The following XPR1 variants were observed in gnomAD, a reference collection of about 807,000 sequenced individuals.
XPR1 encodes the protein xenotropic and polytropic retrovirus receptor 1, also known as solute carrier family 53 member 1.
XPR1 carries 28 observed loss-of-function variants against 87.5 expected under a neutral mutation model. That is an observed-to-expected ratio of 0.32 (90% CI 0.24 to 0.44). XPR1 has a LOEUF of 0.44. XPR1 is among the 20% of genes least tolerant of loss of function. The pLI is 1.00. For missense variants in XPR1, 559 were observed against 862.3 expected, an observed-to-expected ratio of 0.65 and a Z score of 4.41; for synonymous variants, 300 against 306.1, an observed-to-expected ratio of 0.98 and a Z score of 0.21.
At chr1:180,765,920 A>T (rs996567317) in intron 2 of XPR1, among the ~76,000 whole-genome samples, 2 of 152,040 alleles carry the variant, frequency 1.3e-5, no homozygotes, top group African/African-American at 4.8e-5. Flanking sequence ...TGGTGCTAAC[A>T]TATTTTTCAA....
chr1:180,722,800 A>G (rs772155271), intron 2 of XPR1, among the ~76,000 whole-genome samples: 1 of 152,230 alleles, frequency 6.6e-6, no homozygotes, highest in Non-Finnish European at 1.5e-5. Flanking sequence ...GAAGAGCATG[A>G]TTATTTATAG....
chr1:180,774,375 C>G (rs568329742), intron 2 of XPR1, among the ~76,000 whole-genome samples: 2,935 of 134,004 alleles, frequency 0.022, 40 homozygotes, highest in African/African-American at 0.026. Flanking sequence ...AGAAATCTGT[C>G]TTTCCTATCT....
At chr1:180,787,348 CTGGAGTGCAGTGGTGCAATCT>C in intron 2 of XPR1, among the ~76,000 whole-genome samples, 1 of 151,498 alleles carries the variant, frequency 6.6e-6, no homozygotes, top group East Asian at 1.9e-4. Flanking sequence ...GTCACCCAGG[CTGGAGTGCAGTGGTGCAATCT>C]TGGCTCACTG....
chr1:180,757,598 C>T (rs1297816718), intron 2 of XPR1, among the ~76,000 whole-genome samples: 1 of 149,796 alleles, frequency 6.7e-6, no homozygotes, highest in Non-Finnish European at 1.5e-5. Context: ...ATCACTACAA[C>T]CTCAAACTCC....
At chr1:180,704,823 T>TTTTTTTTC (rs1657502947) in intron 2 of XPR1, among the ~76,000 whole-genome samples, 1 of 142,822 alleles carries the variant, frequency 7.0e-6, no homozygotes, top group African/African-American at 2.6e-5. Context: ...TGTTTTTTTT[T>TTTTTTTTC]TTTTTTTTTT....
chr1:180,790,043 C>T (rs910536819), intron 3 of XPR1, among the ~76,000 whole-genome samples: 2 of 152,088 alleles, frequency 1.3e-5, no homozygotes, highest in South Asian at 4.2e-4. Context: ...CTGTCATGCT[C>T]ATTATACCCC....
At chr1:180,796,457 T>C (rs1649576577) in intron 3 of XPR1, among the ~76,000 whole-genome samples, 1 of 152,178 alleles carries the variant, frequency 6.6e-6, no homozygotes, top group African/African-American at 2.4e-5. Context: ...AGTTATGCCC[T>C]TAAGGAAGAG....
intron 1 of XPR1, among the ~76,000 whole-genome samples, chr1:180,662,708 A>G (rs1655820623): frequency 6.6e-6 from 1 of 152,168 alleles, no homozygotes. Flanking sequence ...CTCTTTGAAT[A>G]AACTTTCTAC....
chr1:180,874,542 T>C (rs932724425), intron 13 of XPR1, among the ~76,000 whole-genome samples: 1 of 151,804 alleles, frequency 6.6e-6, no homozygotes, highest in African/African-American at 2.4e-5. Flanking sequence ...ATACAAAAAT[T>C]AGCTGGGCAT....
intron 11 of XPR1, among the ~76,000 whole-genome samples, chr1:180,858,629 T>C (rs1202472959): frequency 6.6e-6 from 1 of 152,218 alleles, no homozygotes; most frequent in African/African-American, 2.4e-5. Context: ...ATTTTAAGAA[T>C]GTGAATTTTC....
intron 7 of XPR1, 51 bp from the exon 8 acceptor site, chr1:180,824,702 C>A: frequency 6.9e-7 from 1 of 1,455,084 alleles, no homozygotes. Flanking sequence ...ATTATTAATT[C>A]AAGGGAAGTT....
In XPR1 at chr1:180,889,107, A is replaced by G. The variant is rs575675041; in HGVS notation, c.*5041A>G. On this transcript the variant is annotated 3_prime_UTR_variant, in exon 15 of 15. Coordinates refer to ENST00000367590, the MANE Select transcript of XPR1 (RefSeq NM_004736.4). ...CTTATTTATGGTGGAAGAGGAAGTGAGAACAAGATGAGAGTTTCCCTTAAA... is the reference window on the plus strand; with the variant it reads ...CTTATTTATGGTGGAAGAGGAAGTGGGAACAAGATGAGAGTTTCCCTTAAA... 2 of 152,338 alleles carry G rather than the reference A, an allele frequency of 1.3e-5. No homozygotes were observed. Among genetic ancestry groups the G allele is most frequent in the South Asian group, 4.1e-4 (2 of 4,826 alleles). The allele number at this position is 152,338 out of a possible 1,614,324, so 9.4% of individuals were successfully genotyped here.
intron 12 of XPR1, among the ~76,000 whole-genome samples, chr1:180,873,369 A>G (rs948611399): frequency 6.6e-6 from 1 of 152,356 alleles, no homozygotes; most frequent in South Asian, 2.1e-4. Flanking sequence ...ATACAGGGTA[A>G]GGCAAATGGA....
At chr1:180,732,410 T>G (rs1658587423) in intron 2 of XPR1, among the ~76,000 whole-genome samples, 1 of 152,230 alleles carries the variant, frequency 6.6e-6, no homozygotes, top group African/African-American at 2.4e-5. Context: ...CTGTTTTGTA[T>G]TAGATAATAT....
At position 180,823,535 on chromosome 1, in the gene XPR1, A is replaced by G. The variant is rs1571870657; in HGVS notation, c.764-1218A>G. ...ACTTATTAAAAGGATAATAAAATTCATCACGAGTCAAGAGTTAATATTTTA... is the reference window on the plus strand; with the variant it reads ...ACTTATTAAAAGGATAATAAAATTCGTCACGAGTCAAGAGTTAATATTTTA... On this transcript the variant is annotated intron_variant, in intron 7 of 14. Transcript: ENST00000367590. Among the ~76,000 whole-genome samples the G allele has an allele frequency of 2.0e-5, 3 of 152,334 alleles. No homozygotes were observed. In the Middle Eastern group the frequency reaches 0.01, roughly 518 times the overall value.
At chr1:180,853,287 T>C (rs994044413) in intron 11 of XPR1, among the ~76,000 whole-genome samples, 1 of 152,148 alleles carries the variant, frequency 6.6e-6, no homozygotes, top group African/African-American at 2.4e-5. Flanking sequence ...GTTAGGAAAT[T>C]TCTATTCTAT....
At position 180,855,619 on chromosome 1, in the gene XPR1, A is replaced by G. The variant is rs546972891; in HGVS notation, c.1502-8089A>G. ...GTAGAGGTTGCAATGAGCCGAGATCATGCCACTGCTCTCCAGCCTGGCGAC... is the reference window on the plus strand; with the variant it reads ...GTAGAGGTTGCAATGAGCCGAGATCGTGCCACTGCTCTCCAGCCTGGCGAC... On this transcript the variant is annotated intron_variant, in intron 11 of 14. Transcript: ENST00000367590. Among the ~76,000 whole-genome samples, 4 of 150,006 alleles carry G rather than the reference A, an allele frequency of 2.7e-5. No individual in the cohort carries two copies. The South Asian group carries it at 8.6e-4, about 32-fold the overall frequency.
chr1:180,776,786 G>C (rs1344907214), intron 2 of XPR1, among the ~76,000 whole-genome samples: 2 of 151,956 alleles, frequency 1.3e-5, no homozygotes, highest in African/African-American at 2.4e-5. Context: ...ATAATAAATA[G>C]CTTGGATTGT....
Position 180,806,485 on chromosome 1 carries a change from C to T in XPR1, c.609C>T (p.Thr203=), listed in dbSNP as rs759596279. 5 of 1,613,216 alleles carry T rather than the reference C, an allele frequency of 3.1e-6. No individual in the cohort carries two copies. Among genetic ancestry groups the T allele is most frequent in the Non-Finnish European group, 4.2e-6 (5 of 1,179,428 alleles). The change falls in exon 6 of 15, where the codon ACC becomes ACT. Residue 203 remains threonine, a synonymous_variant. Transcript: ENST00000367590. ...QLISETEAVV[T]NELEDGDRQK... is the part of the protein sequence containing the mutation. ...ATTTGTCTTTCTAGGCTGTAGTGAC[C>T]AATGAACTTGAAGATGGTGACAGAC...
Sources: allele counts gnomAD v4.1 joint callset (sites outside exome capture counted in the v4.1 genomes callset), GRCh38; gene constraint gnomAD v4.1.1; transcripts MANE v1.5; gene names NCBI Gene and HGNC (gene_info 2026-07-23, HGNC 2026-07-21).